The following NELL1 variants were observed in gnomAD, a reference collection of about 807,000 sequenced individuals.
NELL1 encodes protein kinase C-binding protein NELL1.
Under a neutral mutation model 107.4 loss-of-function variants are expected in NELL1, and 76 were observed. That is an observed-to-expected ratio of 0.71 (90% CI 0.59 to 0.86). The LOEUF is 0.86. NELL1 is among the 40% of genes least tolerant of loss of function. The pLI is 0.00. For synonymous variants in NELL1, 353 were observed against 341.2 expected (o/e 1.03, Z -0.38); for missense variants, 1,024 against 1,005.5 (o/e 1.02, Z -0.25).
intron 14 of NELL1, among the ~76,000 whole-genome samples, chr11:21,369,546 T>C (rs1445017655): frequency 2.8e-5 from 4 of 141,976 alleles, no homozygotes; most frequent in African/African-American, 9.7e-5. Flanking sequence ...ACAACAATAT[T>C]GTGAGGGGTT....
rs536759872 is a variant in NELL1 at position 21,557,777 on chromosome 11, A to G, written c.1787-2412A>G. 2.6e-5 allele frequency among the ~76,000 whole-genome samples: 4 copies of G among 152,144 alleles called. No homozygotes were observed. The East Asian group carries it at 7.8e-4, about 30-fold the overall frequency. ...TGTGATTATGCCTTATGCTTGTTGAACACTCTAAAGACCGAGTTTTGGCAA... is the reference window on the plus strand; with the variant it reads ...TGTGATTATGCCTTATGCTTGTTGAGCACTCTAAAGACCGAGTTTTGGCAA... On this transcript the variant is annotated intron_variant, in intron 16 of 19. Coordinates refer to ENST00000357134, the MANE Select transcript of NELL1 (RefSeq NM_006157.5).
intron 15 of NELL1, among the ~76,000 whole-genome samples, chr11:21,375,657 C>T (rs562635106): frequency 5.9e-5 from 9 of 152,256 alleles, no homozygotes; most frequent in Non-Finnish European, 1.2e-4. Context: ...AACTAATTTA[C>T]ATTCCCACCA....
At chr11:20,762,311 C>T (rs761798417) in intron 2 of NELL1, among the ~76,000 whole-genome samples, 2 of 152,138 alleles carry the variant, frequency 1.3e-5, no homozygotes, top group African/African-American at 2.4e-5. Flanking sequence ...AAAAGCCTGT[C>T]CCAGAAACAA....
intron 15 of NELL1, among the ~76,000 whole-genome samples, chr11:21,473,775 C>G (rs1854245256): frequency 6.6e-6 from 1 of 151,960 alleles, no homozygotes; most frequent in Non-Finnish European, 1.5e-5. Context: ...GTGGGACACC[C>G]CGTAGTATAT....
At chr11:21,539,521 G>C (rs978009217) in intron 16 of NELL1, among the ~76,000 whole-genome samples, 3 of 151,810 alleles carry the variant, frequency 2.0e-5, no homozygotes, top group Admixed American at 1.3e-4. Context: ...TGGGATGGAT[G>C]CGGAGCTGGA....
At chr11:21,174,753 A>C (rs764263652) in intron 13 of NELL1, among the ~76,000 whole-genome samples, 1 of 151,736 alleles carries the variant, frequency 6.6e-6, no homozygotes, top group Non-Finnish European at 1.5e-5. Context: ...GGGAATGCTC[A>C]GATTAGCTAT....
intron 12 of NELL1, among the ~76,000 whole-genome samples, chr11:21,028,269 C>T (rs1320625857): frequency 2.6e-5 from 4 of 152,052 alleles, no homozygotes; most frequent in East Asian, 3.9e-4. Flanking sequence ...AATGCTCTCC[C>T]GGTGATTCTA....
chr11:21,245,998 C>A (rs781491258), intron 14 of NELL1, among the ~76,000 whole-genome samples: 4 of 152,014 alleles, frequency 2.6e-5, no homozygotes, highest in Non-Finnish European at 5.9e-5. Context: ...CCACCAGATT[C>A]AAATTATTCC....
intron 3 of NELL1, among the ~76,000 whole-genome samples, chr11:20,837,823 G>T (rs1005470848): frequency 1.3e-5 from 2 of 152,002 alleles, no homozygotes. Context: ...ATAAGTGTTT[G>T]AATAAATAAA....
At chr11:21,352,722 T>C (rs769688238) in intron 14 of NELL1, among the ~76,000 whole-genome samples, 9 of 152,322 alleles carry the variant, frequency 5.9e-5, no homozygotes, top group Admixed American at 1.3e-4. Flanking sequence ...TAGTTTCTAT[T>C]GCAAACTGCT....
At chr11:21,146,146 T>G (rs1425528343) in intron 13 of NELL1, among the ~76,000 whole-genome samples, 3 of 152,154 alleles carry the variant, frequency 2.0e-5, no homozygotes, top group African/African-American at 7.2e-5. Context: ...GTAATGTGTA[T>G]AAAATCTTCT....
chr11:20,826,568 A>G (rs1857889011), intron 3 of NELL1, among the ~76,000 whole-genome samples: 1 of 151,090 alleles, frequency 6.6e-6, no homozygotes, highest in African/African-American at 2.4e-5. Flanking sequence ...TCAGATTTTC[A>G]CTCACAGGGT....
chr11:20,950,114 A>G (rs1390670935), intron 11 of NELL1, among the ~76,000 whole-genome samples: 1 of 152,188 alleles, frequency 6.6e-6, no homozygotes, highest in Non-Finnish European at 1.5e-5. Flanking sequence ...TCTCAGAGTC[A>G]GACTCTGAAG....
At chr11:21,332,576 A>G (rs531390140) in intron 14 of NELL1, among the ~76,000 whole-genome samples, 4 of 152,004 alleles carry the variant, frequency 2.6e-5, no homozygotes, top group Non-Finnish European at 4.4e-5. Context: ...GGTAGAAGGT[A>G]TAGTCTCATA....
At chr11:21,518,082 C>T (rs1019156914) in intron 15 of NELL1, among the ~76,000 whole-genome samples, 1 of 150,844 alleles carries the variant, frequency 6.6e-6, no homozygotes, top group Non-Finnish European at 1.5e-5. Context: ...CCTAGTGCTT[C>T]TATCTGTTAA....
chr11:20,947,241 T>C lies in NELL1; in HGVS notation c.1072-95T>C, dbSNP rs1850980648. 5.2e-6 allele frequency: 4 copies of C among 775,418 alleles called. No homozygotes were observed. In the East Asian group the frequency reaches 9.8e-5, roughly 19 times the overall value. 48.0% of individuals were successfully genotyped at this position (775,418 alleles called of 1,614,324 possible). A position where few individuals can be genotyped will look rare whatever the true frequency, so the allele number is the denominator to read the frequency against. ...TGGGAGTATTAATTATTGTATGTTG[T>C]TATCACTGCAGGCTATTAACAAAGA... On this transcript the variant is annotated intron_variant, in intron 10 of 19. Transcript: ENST00000357134.
intron 15 of NELL1, among the ~76,000 whole-genome samples, chr11:21,451,131 A>G (rs1049102985): frequency 7.3e-5 from 11 of 150,940 alleles, no homozygotes; most frequent in South Asian, 2.1e-4. Context: ...AGCTTGCAGT[A>G]AGCCGAGATC....
At chr11:20,756,610 C>T (rs776279471) in intron 2 of NELL1, among the ~76,000 whole-genome samples, 1 of 149,566 alleles carries the variant, frequency 6.7e-6, no homozygotes, top group East Asian at 2.0e-4. Context: ...ATCCGCCCAC[C>T]TTGGCCTCCG....
intron 15 of NELL1, among the ~76,000 whole-genome samples, chr11:21,512,659 A>G (rs1055115930): frequency 1.3e-5 from 2 of 152,126 alleles, no homozygotes; most frequent in Non-Finnish European, 2.9e-5. Flanking sequence ...GTCTTATTTA[A>G]TAGTCACAAA....
Sources: gnomAD v4.1 joint callset for allele counts (sites outside exome capture counted in the v4.1 genomes callset) on GRCh38, gnomAD v4.1.1 for gene constraint, MANE v1.5 for transcripts, NCBI Gene and HGNC (gene_info 2026-07-23, HGNC 2026-07-21) for gene names.